GPM6B: variants seen among roughly 807,000 people sequenced by gnomAD.
The protein encoded by GPM6B is neuronal membrane glycoprotein M6-b.
In GPM6B, 4 loss-of-function variants were observed where a neutral mutation model predicts 27.2. The ratio of observed to expected loss-of-function variants is 0.15; its 90% CI spans 0.07 to 0.34. The LOEUF (loss-of-function observed/expected upper bound fraction) is 0.34, where lower values mean the gene tolerates loss of function less well. GPM6B is among the 10% of genes least tolerant of loss of function. GPM6B has a pLI of 1.00. For synonymous variants in GPM6B, 124 were observed against 103.1 expected, an observed-to-expected ratio of 1.20 and a Z score of -1.23; for missense variants, 183 against 261.9, an observed-to-expected ratio of 0.70 and a Z score of 2.08.
At chrX:13,880,553 G>A (rs910666247) in intron 1 of GPM6B, among the ~76,000 whole-genome samples, 2 of 107,902 alleles carry the variant, frequency 1.9e-5, no homozygotes, top group African/African-American at 6.8e-5. Context: ...GTGGGCACCT[G>A]TAGTTCCAGC....
intron 1 of GPM6B, among the ~76,000 whole-genome samples, chrX:13,862,862 ATTTT>A (rs112287002): frequency 1.0e-5 from 1 of 96,856 alleles, no homozygotes; most frequent in African/African-American, 3.8e-5. Context: ...AACTTTTGTG[ATTTT>A]TTTTTTTTTC....
At chrX:13,804,488 T>G (rs1226682032) in intron 2 of GPM6B, among the ~76,000 whole-genome samples, 1 of 109,844 alleles carries the variant, frequency 9.1e-6, no homozygotes, top group Non-Finnish European at 1.9e-5. Flanking sequence ...AGAAAAGATG[T>G]GGACACTACA....
At chrX:13,843,823 T>C (rs1200553109) in intron 1 of GPM6B, among the ~76,000 whole-genome samples, 1 of 112,254 alleles carries the variant, frequency 8.9e-6, no homozygotes, top group Non-Finnish European at 1.9e-5. Flanking sequence ...CTCTTAGATA[T>C]ATGATTTTAA....
intron 1 of GPM6B, among the ~76,000 whole-genome samples, chrX:13,861,250 G>A (rs1234985527): frequency 9.1e-6 from 1 of 110,366 alleles, no homozygotes; most frequent in Non-Finnish European, 1.9e-5. Context: ...TTTTGCAATT[G>A]CAAACTGTGC....
chrX:13,931,513 G>C (rs1339332309), intron 1 of GPM6B, among the ~76,000 whole-genome samples: 1 of 110,065 alleles, frequency 9.1e-6, no homozygotes, highest in African/African-American at 3.3e-5. Flanking sequence ...AAGAAAAAAA[G>C]AAAAATAAAT....
At chrX:13,789,762 A>G (rs1232191672) in intron 2 of GPM6B, among the ~76,000 whole-genome samples, 3 of 105,188 alleles carry the variant, frequency 2.9e-5, no homozygotes, top group African/African-American at 1.0e-4. Context: ...GTGACAGAGC[A>G]AGACTCCATC....
At chrX:13,793,180 A>C (rs991808148) in intron 2 of GPM6B, among the ~76,000 whole-genome samples, 1 of 111,061 alleles carries the variant, frequency 9.0e-6, no homozygotes, top group Admixed American at 9.6e-5. Context: ...CTACAGGATA[A>C]AACTTTGCTC....
chrX:13,845,699 A>C (rs905999673), intron 1 of GPM6B, among the ~76,000 whole-genome samples: 3 of 111,846 alleles, frequency 2.7e-5, no homozygotes, highest in African/African-American at 9.8e-5. Flanking sequence ...TATATTTATA[A>C]ATCAATTTTC....
In GPM6B at chrX:13,869,011, C is replaced by T. The variant is rs952124353; in HGVS notation, c.-198+69316G>A. ...CAATGGATGCATAGAGCATGGGAGGCTGGAAGGGCAGTCTACCCTAGTATT... is the reference window on the plus strand; with the variant it reads ...CAATGGATGCATAGAGCATGGGAGGTTGGAAGGGCAGTCTACCCTAGTATT... On this transcript the variant is annotated intron_variant, in intron 1 of 6. Transcript: ENST00000398361. Among the ~76,000 whole-genome samples, 19 of 111,980 alleles carry T rather than the reference C, an allele frequency of 1.7e-4. 1 individual carries two copies. The highest frequency in any genetic ancestry group is 6.2e-4 in the African/African-American group (19 of 30,859).
At chrX:13,803,459 C>T (rs1050289497) in intron 2 of GPM6B, among the ~76,000 whole-genome samples, 2 of 111,661 alleles carry the variant, frequency 1.8e-5, no homozygotes, top group Admixed American at 1.9e-4. Flanking sequence ...CTCTTTGTCC[C>T]GACTTCTGGA....
intron 1 of GPM6B, among the ~76,000 whole-genome samples, chrX:13,865,142 G>A (rs1175991150): frequency 1.8e-5 from 2 of 111,296 alleles, no homozygotes; most frequent in Middle Eastern, 4.6e-3. Flanking sequence ...TGTGATAAAT[G>A]TGGCAAAGAT....
chrX:13,923,750 C>T (rs183730075), intron 1 of GPM6B, among the ~76,000 whole-genome samples: 1,241 of 112,151 alleles, frequency 0.011, 21 homozygotes, highest in African/African-American at 0.038. Flanking sequence ...AAAAACTGGC[C>T]TTTTTTCTTT....
chrX:13,772,959 C>G lies in GPM6B; in HGVS notation c.909G>C (p.Gln303His), dbSNP rs1347243039. Residue 303 changes from glutamine (Q) to histidine (H), a missense_variant, in exon 8 of 8, where the codon CAG becomes CAC. Coordinates refer to ENST00000316715, the MANE Select transcript of GPM6B (RefSeq NM_001001995.3). ...LKDASKMQAY[Q>H]DIKAKEEQEL... ...CCTGTTCTTCCTTTGCTTTGATATC[C>G]TGGTAAGCCTGCATTTTGCTCGCAT... 28 of 1,206,591 alleles carry G rather than the reference C, an allele frequency of 2.3e-5. No individual in the cohort carries two copies. Among genetic ancestry groups the G allele is most frequent in the Non-Finnish European group, 3.1e-5 (28 of 892,227 alleles).
intron 1 of GPM6B, among the ~76,000 whole-genome samples, chrX:13,831,227 A>C (rs969099731): frequency 1.8e-4 from 16 of 86,644 alleles, no homozygotes; most frequent in African/African-American, 8.0e-4. Context: ...CACACACACA[A>C]ATGGCTTGGG....
intron 1 of GPM6B, among the ~76,000 whole-genome samples, chrX:13,822,988 T>C (rs1418104821): frequency 8.9e-6 from 1 of 112,031 alleles, no homozygotes; most frequent in African/African-American, 3.2e-5. Flanking sequence ...CAAAGCTTTA[T>C]CAATTTGGCA....
intron 1 of GPM6B, among the ~76,000 whole-genome samples, chrX:13,808,030 A>G (rs780835882): frequency 8.9e-6 from 1 of 112,138 alleles, no homozygotes; most frequent in Admixed American, 9.4e-5. Context: ...TAAAATGCTC[A>G]TTTGGGGAAG....
chrX:13,871,669 T>C (rs1018450152), intron 1 of GPM6B, among the ~76,000 whole-genome samples: 1 of 112,228 alleles, frequency 8.9e-6, no homozygotes, highest in Non-Finnish European at 1.9e-5. Context: ...AGTACTGAGG[T>C]AGAGCTGCTC....
chrX:13,773,131 T>A, intron 7 of GPM6B, 101 bp from the exon 8 acceptor site: 1 of 658,079 alleles, frequency 1.5e-6, no homozygotes, highest in Non-Finnish European at 2.3e-6. Context: ...GGGCGAAGGT[T>A]AATTCTGTAT....
intron 1 of GPM6B, among the ~76,000 whole-genome samples, chrX:13,827,287 T>C (rs746875848): frequency 0.046 from 4,502 of 98,695 alleles, 131 homozygotes; most frequent in East Asian, 0.14. Context: ...TTTTTTTTTT[T>C]TTTTTTTCTT....
Sources: allele counts gnomAD v4.1 joint callset (sites outside exome capture counted in the v4.1 genomes callset), GRCh38; gene constraint gnomAD v4.1.1; transcripts MANE v1.5; gene names NCBI Gene and HGNC (gene_info 2026-07-23, HGNC 2026-07-21).